Variants in EIPR1 observed in about 807,000 individuals in gnomAD.
EIPR1 encodes EARP complex and GARP complex interacting protein 1.
EIPR1 carries 25 observed loss-of-function variants against 48.1 expected under a neutral mutation model. The observed-to-expected ratio is 0.52, with a 90% CI of 0.38 to 0.73. The LOEUF (loss-of-function observed/expected upper bound fraction) is 0.73, where lower values mean the gene tolerates loss of function less well. Among genes scored for constraint, EIPR1 ranks in the 30% least tolerant of loss-of-function variants. EIPR1 has a pLI of 0.00. For missense variants in EIPR1, 415 were observed against 506.2 expected (o/e 0.82, Z 1.73); for synonymous variants, 204 against 201.9 (o/e 1.01, Z -0.09).
intron 3 of EIPR1, among the ~76,000 whole-genome samples, chr2:3,273,715 T>C (rs1667764712): frequency 6.6e-6 from 1 of 152,144 alleles, no homozygotes; most frequent in Admixed American, 6.5e-5. Context: ...CCCTGGACAT[T>C]TTCCATAAAC....
In EIPR1 at chr2:3,274,255, C is replaced by T. The variant is rs558465518; in HGVS notation, c.260-16800G>A. ...TCAGACTCAGGAGCACAACTATCTC[C>T]AAGTACCATAATTAAAAATATATCC... On this transcript the variant is annotated intron_variant, in intron 3 of 8. Transcript: ENST00000382125. 2.6e-6 allele frequency: 4 copies of T among 1,513,700 alleles called. No individual in the cohort carries two copies. In the South Asian group the frequency reaches 5.1e-5, roughly 19 times the overall value. 93.8% of individuals were successfully genotyped at this position (1,513,700 alleles called of 1,614,324 possible). A position where few individuals can be genotyped will look rare whatever the true frequency, so the allele number is the denominator to read the frequency against.
intron 3 of EIPR1, among the ~76,000 whole-genome samples, chr2:3,260,839 G>A (rs1009206150): frequency 6.6e-6 from 1 of 152,198 alleles, no homozygotes; most frequent in African/African-American, 2.4e-5. Context: ...TCTTACTAGA[G>A]TGGTGAAATT....
At chr2:3,257,825 G>A (rs888120032) in intron 3 of EIPR1, among the ~76,000 whole-genome samples, 8 of 152,236 alleles carry the variant, frequency 5.3e-5, no homozygotes, top group South Asian at 2.1e-4. Context: ...TGGTGTCTAA[G>A]GTTGGCATTA....
chr2:3,218,423 G>C (rs1438200177), intron 4 of EIPR1, among the ~76,000 whole-genome samples: 2 of 147,664 alleles, frequency 1.4e-5, no homozygotes, highest in African/African-American at 2.5e-5. Flanking sequence ...TTCACAGTGA[G>C]TCAGGTGCAC....
intron 3 of EIPR1, among the ~76,000 whole-genome samples, chr2:3,316,132 CCCA>C (rs1364840812): frequency 7.8e-6 from 1 of 128,432 alleles, no homozygotes; most frequent in Non-Finnish European, 1.7e-5. Flanking sequence ...CATACACACC[CCCA>C]CCACCATCAC....
intron 5 of EIPR1, among the ~76,000 whole-genome samples, chr2:3,210,223 T>C (rs1665396124): frequency 6.6e-6 from 1 of 150,472 alleles, no homozygotes; most frequent in Admixed American, 6.6e-5. Flanking sequence ...AAGACCCTAC[T>C]AAAAAGAGGA....
chr2:3,265,445 A>G (rs1667457581), intron 3 of EIPR1, among the ~76,000 whole-genome samples: 1 of 152,176 alleles, frequency 6.6e-6, no homozygotes, highest in Non-Finnish European at 1.5e-5. Flanking sequence ...AACAGTGTTC[A>G]ACACACATCC....
chr2:3,348,259 G>A (rs1173779538), intron 2 of EIPR1, among the ~76,000 whole-genome samples: 3 of 152,168 alleles, frequency 2.0e-5, no homozygotes, highest in Non-Finnish European at 4.4e-5. Flanking sequence ...CACTGACGAG[G>A]ACCCTGGTCA....
intron 4 of EIPR1, among the ~76,000 whole-genome samples, chr2:3,243,468 A>G (rs866330535): frequency 2.0e-5 from 3 of 152,076 alleles, no homozygotes; most frequent in African/African-American, 7.2e-5. Flanking sequence ...CATCTCTACT[A>G]AAAAATACAA....
rs188957285 is a variant in EIPR1 at position 3,332,205 on chromosome 2, C to T, written c.259+5812G>A. Among the ~76,000 whole-genome samples, 15 of 152,278 alleles carry T rather than the reference C, an allele frequency of 9.9e-5. 1 individual carries two copies. The East Asian group carries it at 2.5e-3, about 25-fold the overall frequency. On this transcript the variant is annotated intron_variant, in intron 3 of 8. Transcript: ENST00000382125. Reference sequence around the variant, plus strand: ...TTTTTTAATGTTTATCTGAAACATACGCTTTTTTCTCAATGAACCTTAAGA... The same window carrying T: ...TTTTTTAATGTTTATCTGAAACATATGCTTTTTTCTCAATGAACCTTAAGA...
At chr2:3,202,013 T>C (rs1665054157) in intron 5 of EIPR1, among the ~76,000 whole-genome samples, 1 of 152,174 alleles carries the variant, frequency 6.6e-6, no homozygotes, top group African/African-American at 2.4e-5. Context: ...CTCGGCTCAC[T>C]GCAAGCTCCA....
intron 3 of EIPR1, among the ~76,000 whole-genome samples, chr2:3,273,571 A>G (rs1667761086): frequency 6.6e-6 from 1 of 152,094 alleles, no homozygotes; most frequent in Non-Finnish European, 1.5e-5. Flanking sequence ...TGGCTCTTAT[A>G]AAAAATAAGA....
chr2:3,298,037 T>C (rs1016593297), intron 3 of EIPR1, among the ~76,000 whole-genome samples: 2 of 152,230 alleles, frequency 1.3e-5, no homozygotes, highest in African/African-American at 4.8e-5. Context: ...TTTGAGCCTA[T>C]GGGTCAGAGA....
At chr2:3,204,710 A>G (rs1262636418) in intron 5 of EIPR1, among the ~76,000 whole-genome samples, 1 of 152,222 alleles carries the variant, frequency 6.6e-6, no homozygotes, top group Non-Finnish European at 1.5e-5. Context: ...ATCTAAGAAG[A>G]GTCTCAGCGG....
chr2:3,290,785 C>T (rs181884446), intron 3 of EIPR1, among the ~76,000 whole-genome samples: 187 of 152,300 alleles, frequency 1.2e-3, no homozygotes, highest in African/African-American at 4.2e-3. Flanking sequence ...AATGGACCGT[C>T]GGTCATCTGG....
Position 3,250,627 on chromosome 2 carries a change from C to T in EIPR1, c.416+6672G>A, listed in dbSNP as rs114685081. Reference sequence around the variant, plus strand: ...ATGGTATGGTTTGAATGTTAGTCCCCTCCAAATCTCATGTGGAAATGTGAT... The same window carrying T: ...ATGGTATGGTTTGAATGTTAGTCCCTTCCAAATCTCATGTGGAAATGTGAT... On this transcript the variant is annotated intron_variant, in intron 4 of 8. Transcript: ENST00000382125. Among the ~76,000 whole-genome samples, 603 of 152,284 alleles carry T rather than the reference C, an allele frequency of 4.0e-3. 1 individual carries two copies. The highest frequency in any genetic ancestry group is 0.014 in the African/African-American group (578 of 41,558).
At chr2:3,260,474 C>T (rs1165229092) in intron 3 of EIPR1, among the ~76,000 whole-genome samples, 1 of 111,462 alleles carries the variant, frequency 9.0e-6, no homozygotes, top group Non-Finnish European at 1.6e-5. Flanking sequence ...CTGGGCAACA[C>T]AGCGAGACTC....
intron 3 of EIPR1, among the ~76,000 whole-genome samples, chr2:3,295,423 T>C (rs1668531699): frequency 1.2e-5 from 1 of 86,162 alleles, no homozygotes; most frequent in Non-Finnish European, 2.3e-5. Context: ...ATCCAGCCCA[T>C]CCTCTCTGCA....
intron 3 of EIPR1, among the ~76,000 whole-genome samples, chr2:3,309,340 A>G (rs1370190192): frequency 2.0e-5 from 3 of 152,234 alleles, no homozygotes; most frequent in African/African-American, 7.2e-5. Flanking sequence ...AAGCACCTCT[A>G]CAGAGTTGTA....
Sources: allele counts gnomAD v4.1 joint callset (sites outside exome capture counted in the v4.1 genomes callset), GRCh38; gene constraint gnomAD v4.1.1; transcripts MANE v1.5; gene names NCBI Gene and HGNC (gene_info 2026-07-23, HGNC 2026-07-21).